RYR3: variants seen among roughly 807,000 people sequenced by gnomAD.
The protein encoded by RYR3 is ryanodine receptor 3.
Under a neutral mutation model 584.3 loss-of-function variants are expected in RYR3, and 207 were observed. The observed-to-expected ratio is 0.35, with a 90% confidence interval of 0.32 to 0.40. RYR3 has a LOEUF of 0.40. Among genes scored for constraint, RYR3 ranks in the 10% least tolerant of loss-of-function variants. The pLI, the probability that RYR3 is intolerant of heterozygous loss-of-function variation, is 1.00. For synonymous variants in RYR3, 2,416 were observed against 2,248.5 expected, an observed-to-expected ratio of 1.07 and a Z score of -2.11; for missense variants, 5,616 against 6,089.2, an observed-to-expected ratio of 0.92 and a Z score of 2.59.
chr15:33,862,020 A>G (rs745845725), intron 102 of RYR3, among the ~76,000 whole-genome samples: 3 of 152,212 alleles, frequency 2.0e-5, no homozygotes, highest in Non-Finnish European at 4.4e-5. Flanking sequence ...TCACTGAATA[A>G]CAAGTTACTT....
chr15:33,852,817 C>G, intron 94 of RYR3: 1 of 446,714 alleles, frequency 2.2e-6, no homozygotes, highest in South Asian at 2.9e-5. Flanking sequence ...GCAGAAACTG[C>G]CCAGTGGCCT....
intron 25 of RYR3, 85 bp downstream of exon 25, chr15:33,634,818 C>CTT: frequency 6.1e-6 from 7 of 1,148,164 alleles, no homozygotes; most frequent in Non-Finnish European, 9.1e-6. Context: ...ATAGGTCTAA[C>CTT]TTGTACTATT....
chr15:33,527,711 TG>T (rs2141019689), intron 3 of RYR3, among the ~76,000 whole-genome samples: 1 of 152,322 alleles, frequency 6.6e-6, no homozygotes, highest in South Asian at 2.1e-4. Context: ...ACTTTGTACT[TG>T]TATTTTAAGT....
chr15:33,463,007 C>CA (rs1202305320), intron 1 of RYR3, among the ~76,000 whole-genome samples: 4 of 151,712 alleles, frequency 2.6e-5, no homozygotes, highest in East Asian at 1.9e-4. Flanking sequence ...CCCGTCTCTA[C>CA]AAAAAAACAC....
rs150112646 is a variant in RYR3, at chr15:33,346,721, A to C, written c.51+35625A>C. The stretch of plus-strand genomic sequence containing the variant: ...GGTTTTCCCCTGAACTTTGCTTTAT[A>C]AGTAAGTACACCAGAAAAGGGGGCC... On this transcript the variant is annotated intron_variant, in intron 1 of 103. Coordinates refer to ENST00000634891, the MANE Select transcript of RYR3 (RefSeq NM_001036.6). Among the ~76,000 whole-genome samples, 777 of 152,296 alleles carry C rather than the reference A, an allele frequency of 5.1e-3. 6 individuals carry two copies. The highest frequency in any genetic ancestry group is 0.018 in the African/African-American group (742 of 41,546).
chr15:33,380,867 T>C (rs1282153833), intron 1 of RYR3, among the ~76,000 whole-genome samples: 5 of 152,220 alleles, frequency 3.3e-5, no homozygotes, highest in Non-Finnish European at 5.9e-5. Flanking sequence ...ATCATGGCAA[T>C]CAAGCCTTTA....
chr15:33,834,868 T>A lies in RYR3; in HGVS notation c.11464-100T>A, dbSNP rs920274920. 23 of 755,868 alleles carry A rather than the reference T, an allele frequency of 3.0e-5. No homozygotes were observed. In the South Asian group the frequency reaches 4.1e-4, roughly 14 times the overall value. The allele number at this position is 755,868 out of a possible 1,614,324, so 46.8% of individuals were successfully genotyped here. ...TATGAAATATTTGACTTTTGGAAAG[T>A]CTATCTGCTCATATAAGTAGGTATC... On this transcript the variant is annotated intron_variant, in intron 86 of 103. Coordinates refer to ENST00000634891, the MANE Select transcript of RYR3 (RefSeq NM_001036.6).
chr15:33,716,594 G>T (rs1441606633), intron 43 of RYR3, among the ~76,000 whole-genome samples: 3 of 152,058 alleles, frequency 2.0e-5, no homozygotes, highest in Non-Finnish European at 4.4e-5. Flanking sequence ...AAATAAAGAA[G>T]CCAATGGCAA....
At chr15:33,464,655 G>A (rs1341572353) in intron 1 of RYR3, among the ~76,000 whole-genome samples, 1 of 151,036 alleles carries the variant, frequency 6.6e-6, no homozygotes, top group East Asian at 1.9e-4. Context: ...GTATCAACTT[G>A]ATGTTTTGAT....
Position 33,438,365 on chromosome 15 carries a change from T to G in RYR3, c.52-35054T>G, listed in dbSNP as rs564677324. ...ACCACCATTCCACTCATTGCTTCTA[T>G]GAGCTCCTTTTTAAAAAAATTCCAC... On this transcript the variant is annotated intron_variant, in intron 1 of 103. Transcript: ENST00000634891. Among the ~76,000 whole-genome samples, 3 of 152,260 alleles carry G rather than the reference T, an allele frequency of 2.0e-5. No individual in the cohort carries two copies. In the East Asian group the frequency reaches 5.8e-4, roughly 29 times the overall value.
chr15:33,755,693 C>T (rs1400017948), intron 58 of RYR3, among the ~76,000 whole-genome samples: 2 of 152,220 alleles, frequency 1.3e-5, no homozygotes, highest in Non-Finnish European at 2.9e-5. Context: ...TTTTTTCGCA[C>T]AACTTATCCT....
intron 1 of RYR3, among the ~76,000 whole-genome samples, chr15:33,449,297 C>T (rs1276068659): frequency 6.6e-6 from 1 of 152,186 alleles, no homozygotes; most frequent in Non-Finnish European, 1.5e-5. Context: ...TAACCAGAGA[C>T]ATCCATTCCT....
At chr15:33,487,186 A>C (rs1368628750) in intron 2 of RYR3, among the ~76,000 whole-genome samples, 2 of 138,688 alleles carry the variant, frequency 1.4e-5, no homozygotes, top group Non-Finnish European at 3.1e-5. Context: ...TGACAGAGCA[A>C]GACTCCATCT....
At chr15:33,855,805 G>C (rs529707825) in intron 98 of RYR3, 1 of 152,164 alleles carries the variant, frequency 6.6e-6, no homozygotes, top group African/African-American at 2.4e-5. Context: ...ATATATGGAA[G>C]ACTGGATATT....
intron 38 of RYR3, among the ~76,000 whole-genome samples, chr15:33,684,514 T>C (rs1381142535): frequency 1.3e-5 from 2 of 151,808 alleles, no homozygotes; most frequent in East Asian, 1.9e-4. Context: ...AGACCAAAGG[T>C]AGATAAAACC....
intron 1 of RYR3, among the ~76,000 whole-genome samples, chr15:33,403,006 A>G (rs762624359): frequency 6.6e-6 from 1 of 152,236 alleles, no homozygotes; most frequent in Non-Finnish European, 1.5e-5. Context: ...GGCTAGAGAC[A>G]TAGTTATTTA....
chr15:33,356,439 G>C (rs1361526820), intron 1 of RYR3, among the ~76,000 whole-genome samples: 1 of 152,140 alleles, frequency 6.6e-6, no homozygotes, highest in Non-Finnish European at 1.5e-5. Context: ...TGGCCCTCTG[G>C]TTACAGTCTG....
chr15:33,587,890 A>G (rs2058936349), intron 16 of RYR3, among the ~76,000 whole-genome samples: 1 of 152,190 alleles, frequency 6.6e-6, no homozygotes, highest in Non-Finnish European at 1.5e-5. Context: ...TTCCATTGCA[A>G]CACTTCATCT....
chr15:33,826,376 G>C (rs1179509343), intron 83 of RYR3, 107 bp downstream of exon 83: 2 of 1,137,260 alleles, frequency 1.8e-6, no homozygotes, highest in Non-Finnish European at 2.7e-6. Context: ...TGCATGTTGA[G>C]TTGAACTCAG....
Sources: gnomAD v4.1 joint callset for allele counts (sites outside exome capture counted in the v4.1 genomes callset) on GRCh38, gnomAD v4.1.1 for gene constraint, MANE v1.5 for transcripts, NCBI Gene and HGNC (gene_info 2026-07-23, HGNC 2026-07-21) for gene names.